The following KCNMA1 variants were observed in gnomAD, a reference collection of about 807,000 sequenced individuals.
The protein encoded by KCNMA1 is potassium calcium-activated channel subfamily M alpha 1.
KCNMA1 carries 29 observed loss-of-function variants against 140.0 expected under a neutral mutation model. The observed-to-expected ratio is 0.21, with a 90% CI of 0.15 to 0.28. KCNMA1 has a LOEUF of 0.28. Among genes scored for constraint, KCNMA1 ranks in the 10% least tolerant of loss-of-function variants. The pLI is 1.00. For synonymous variants in KCNMA1, 612 were observed against 611.9 expected, an observed-to-expected ratio of 1.00 and a Z score of 0.00; for missense variants, 880 against 1,602.2, an observed-to-expected ratio of 0.55 and a Z score of 7.70.
intron 3 of KCNMA1, among the ~76,000 whole-genome samples, chr10:77,228,126 G>A (rs1211702431): frequency 2.6e-5 from 4 of 151,954 alleles, no homozygotes; most frequent in African/African-American, 7.2e-5. Flanking sequence ...CACCACGCCT[G>A]GCTAATTTTT....
intron 12 of KCNMA1, among the ~76,000 whole-genome samples, chr10:77,081,706 G>A (rs142831881): frequency 2.6e-5 from 4 of 152,234 alleles, no homozygotes; most frequent in East Asian, 1.9e-4. Context: ...AAAGTGTTGC[G>A]TTGGCCCACG....
intron 17 of KCNMA1, among the ~76,000 whole-genome samples, chr10:77,015,863 G>T (rs146437966): frequency 6.5e-4 from 99 of 152,100 alleles, no homozygotes; most frequent in African/African-American, 2.1e-3. Flanking sequence ...CCACTCAGGG[G>T]TCAGTCCAAG....
At chr10:77,622,688 C>A in intron 1 of KCNMA1, among the ~76,000 whole-genome samples, 1 of 152,182 alleles carries the variant, frequency 6.6e-6, no homozygotes, top group South Asian at 2.1e-4. Context: ...GGGACTACAT[C>A]ACAGGATTGT....
chr10:77,406,276 G>A (rs1352142278), intron 1 of KCNMA1, among the ~76,000 whole-genome samples: 2 of 152,068 alleles, frequency 1.3e-5, no homozygotes, highest in Non-Finnish European at 2.9e-5. Flanking sequence ...AACTGAAGGT[G>A]TAGATTCGGG....
chr10:77,231,049 A>C (rs2154206152), intron 3 of KCNMA1, among the ~76,000 whole-genome samples: 1 of 152,304 alleles, frequency 6.6e-6, no homozygotes, highest in South Asian at 2.1e-4. Flanking sequence ...CTGGGCTGAC[A>C]AGTTACTTAG....
At chr10:76,921,955 C>T (rs1041656033) in intron 23 of KCNMA1, among the ~76,000 whole-genome samples, 10 of 152,118 alleles carry the variant, frequency 6.6e-5, no homozygotes, top group African/African-American at 2.4e-4. Context: ...GATTATTTAC[C>T]AAGGCAGCAG....
intron 17 of KCNMA1, among the ~76,000 whole-genome samples, chr10:77,017,823 T>C (rs1309342255): frequency 1.3e-5 from 2 of 152,116 alleles, no homozygotes; most frequent in Non-Finnish European, 2.9e-5. Flanking sequence ...TGTGCCTCAG[T>C]TTCCTCATAT....
intron 1 of KCNMA1, among the ~76,000 whole-genome samples, chr10:77,567,895 T>C (rs1162373470): frequency 1.3e-5 from 2 of 152,276 alleles, no homozygotes; most frequent in African/African-American, 4.8e-5. Context: ...AGTCCAACAC[T>C]AGCCTGGCCA....
rs75647923 is a variant in KCNMA1 at position 77,007,054 on chromosome 10, T to C, written c.2092+4913A>G. ...ACATCTTCTCCAAATTCCAGAGCCA[T>C]TGGACTGAACTGTTCCACAGATTGG... On this transcript the variant is annotated intron_variant, in intron 18 of 27. Coordinates refer to ENST00000286628, the MANE Select transcript of KCNMA1 (RefSeq NM_001161352.2). 3.0e-3 allele frequency among the ~76,000 whole-genome samples: 454 copies of C among 152,294 alleles called. 1 individual carries two copies. Among genetic ancestry groups the C allele is most frequent in the African/African-American group, 0.01 (416 of 41,564 alleles).
intron 23 of KCNMA1, among the ~76,000 whole-genome samples, chr10:76,927,684 A>G (rs1288149219): frequency 2.6e-5 from 4 of 152,208 alleles, no homozygotes; most frequent in Non-Finnish European, 5.9e-5. Flanking sequence ...GTCTCAACCC[A>G]CAATTACAAC....
chr10:77,599,599 GCTAT>G (rs1182439491), intron 1 of KCNMA1, among the ~76,000 whole-genome samples: 4 of 152,174 alleles, frequency 2.6e-5, no homozygotes, highest in Non-Finnish European at 4.4e-5. Flanking sequence ...GATTTCAGTA[GCTAT>G]CTGTCTTCAG....
rs1370832134 is a variant in KCNMA1 at position 77,637,738 on chromosome 10, G to A, written c.-96C>T. 2.4e-6 allele frequency: 3 copies of A among 1,272,984 alleles called. No homozygotes were observed. Among genetic ancestry groups the A allele is most frequent in the African/African-American group, 3.2e-5 (2 of 61,718 alleles). The allele number at this position is 1,272,984 out of a possible 1,614,324, so 78.9% of individuals were successfully genotyped here. On this transcript the variant is annotated 5_prime_UTR_variant, in exon 1 of 28. Transcript: ENST00000286628. ...CATCAACAGCCATATTGCTGCTACT[G>A]CTGCCGCCGCCGCCGCCGCCGCGGA...
chr10:77,065,451 G>T (rs2095897591), intron 14 of KCNMA1, among the ~76,000 whole-genome samples: 1 of 152,142 alleles, frequency 6.6e-6, no homozygotes, highest in Non-Finnish European at 1.5e-5. Context: ...ACCCTCACAA[G>T]CCCCAGAGAA....
chr10:77,568,996 GA>G (rs1333418076), intron 1 of KCNMA1, among the ~76,000 whole-genome samples: 4 of 134,910 alleles, frequency 3.0e-5, no homozygotes, highest in African/African-American at 1.1e-4. Flanking sequence ...TTGCTTCAAA[GA>G]GAATAAAATA....
At chr10:77,570,712 A>G (rs2070857613) in intron 1 of KCNMA1, among the ~76,000 whole-genome samples, 1 of 151,156 alleles carries the variant, frequency 6.6e-6, no homozygotes, top group Non-Finnish European at 1.5e-5. Flanking sequence ...CATTGTGCAC[A>G]TGTACCCTAA....
At chr10:77,478,908 G>A (rs541489731) in intron 1 of KCNMA1, among the ~76,000 whole-genome samples, 1 of 152,318 alleles carries the variant, frequency 6.6e-6, no homozygotes, top group African/African-American at 2.4e-5. Flanking sequence ...GAGTCCCAGT[G>A]TCACTTGGAA....
intron 23 of KCNMA1, among the ~76,000 whole-genome samples, chr10:76,926,821 C>T (rs57016528): frequency 0.039 from 5,924 of 152,200 alleles, 354 homozygotes; most frequent in African/African-American, 0.12. Context: ...ATCAACATTT[C>T]ATACAAGAGA....
chr10:77,156,611 A>C (rs1315027732), intron 5 of KCNMA1, among the ~76,000 whole-genome samples: 1 of 152,252 alleles, frequency 6.6e-6, no homozygotes, highest in Non-Finnish European at 1.5e-5. Flanking sequence ...TAGGGTTATA[A>C]GAGGTGCCTG....
intron 19 of KCNMA1, among the ~76,000 whole-genome samples, chr10:76,985,077 C>T (rs2080870174): frequency 6.6e-6 from 1 of 152,208 alleles, no homozygotes; most frequent in South Asian, 2.1e-4. Context: ...CATAAATACA[C>T]AGCAGTATTT....
Sources: allele counts gnomAD v4.1 joint callset (sites outside exome capture counted in the v4.1 genomes callset), GRCh38; gene constraint gnomAD v4.1.1; transcripts MANE v1.5; gene names NCBI Gene and HGNC (gene_info 2026-07-23, HGNC 2026-07-21).